The following GRAMD1C variants were observed in gnomAD, a reference collection of about 807,000 sequenced individuals.
The protein encoded by GRAMD1C is protein Aster-C.
GRAMD1C carries 89 observed loss-of-function variants against 97.8 expected under a neutral mutation model. That is an observed-to-expected ratio of 0.91 (90% CI 0.77 to 1.09). The LOEUF (loss-of-function observed/expected upper bound fraction) is 1.09, where lower values mean the gene tolerates loss of function less well. Ranked by LOEUF, GRAMD1C falls within the 50% of genes least tolerant of loss-of-function variation. GRAMD1C has a pLI of 0.00. For missense variants in GRAMD1C, 740 were observed against 766.4 expected (o/e 0.97, Z 0.41); for synonymous variants, 256 against 267.0 (o/e 0.96, Z 0.40).
intron 17 of GRAMD1C, among the ~76,000 whole-genome samples, chr3:113,942,696 C>A (rs1937862676): frequency 6.6e-6 from 1 of 152,178 alleles, no homozygotes; most frequent in Admixed American, 6.5e-5. Context: ...CTTAACAATG[C>A]CTTGGTGTCC....
At chr3:113,910,733 G>A (rs1936537329) in intron 9 of GRAMD1C, among the ~76,000 whole-genome samples, 1 of 152,128 alleles carries the variant, frequency 6.6e-6, no homozygotes, top group Non-Finnish European at 1.5e-5. Context: ...TGAAAGATAA[G>A]TGGGCTGCTG....
Position 113,847,222 on chromosome 3 carries a change from C to T in GRAMD1C, c.174+2573C>T, listed in dbSNP as rs184618585. Among the ~76,000 whole-genome samples, 44 of 152,208 alleles carry T rather than the reference C, an allele frequency of 2.9e-4. 2 individuals carry two copies. Among genetic ancestry groups the T allele is most frequent in the African/African-American group, 1.0e-3 (42 of 41,552 alleles). On this transcript the variant is annotated intron_variant, in intron 2 of 17. Transcript: ENST00000358160. ...GTTTTTATATTTTTTAATTTTTTTA[C>T]TGATATCTCTTATTCTCTTTCATCA...
intron 2 of GRAMD1C, among the ~76,000 whole-genome samples, chr3:113,852,887 G>T (rs1040830673): frequency 4.6e-5 from 7 of 152,080 alleles, no homozygotes; most frequent in Admixed American, 3.3e-4. Context: ...GGGTGGGAGT[G>T]GGGGTAGTTT....
At chr3:113,869,140 C>T (rs993527760) in intron 2 of GRAMD1C, among the ~76,000 whole-genome samples, 1 of 152,122 alleles carries the variant, frequency 6.6e-6, no homozygotes, top group African/African-American at 2.4e-5. Flanking sequence ...GTAATGGGAA[C>T]AGGCCCAGGA....
In GRAMD1C at chr3:113,869,553, A is replaced by G; in HGVS notation, c.221A>G (p.Gln74Arg). ...YKDRNEEYRR[Q>R]FTHLPDTERL... ...GACAGGAATGAGGAATACAGAAGAC[A>G]GTTCACACATCTACCTGATACAGAG... The change falls in exon 3 of 18, where the codon CAG becomes CGG. Residue 74 changes from glutamine to arginine, a missense_variant. Gln to Arg is a conservative substitution (Grantham distance 43). Coordinates refer to ENST00000358160, the MANE Select transcript of GRAMD1C (RefSeq NM_017577.5). 1.3e-6 allele frequency: 2 copies of G among 1,556,278 alleles called. No individual in the cohort carries two copies. The highest frequency in any genetic ancestry group is 1.8e-6 in the Non-Finnish European group (2 of 1,138,312).
At chr3:113,892,332 C>T (rs1378831308) in intron 6 of GRAMD1C, among the ~76,000 whole-genome samples, 5 of 151,880 alleles carry the variant, frequency 3.3e-5, no homozygotes, top group African/African-American at 4.8e-5. Flanking sequence ...ATCAGCTGCG[C>T]GTGGTGGCAG....
intron 17 of GRAMD1C, among the ~76,000 whole-genome samples, chr3:113,942,968 T>C (rs1254140342): frequency 1.3e-5 from 2 of 152,362 alleles, no homozygotes; most frequent in Middle Eastern, 3.4e-3. Flanking sequence ...GAGTCATCCA[T>C]CTGCTTTCCA....
At position 113,909,106 on chromosome 3, in the gene GRAMD1C, A is replaced by G. The variant is rs1936472339; in HGVS notation, c.938A>G (p.Asp313Gly). The G allele has an allele frequency of 6.6e-7, 1 of 1,504,072 alleles. No homozygotes were observed. Among genetic ancestry groups the G allele is most frequent in the Admixed American group, 2.4e-5 (1 of 41,334 alleles). The allele number at this position is 1,504,072 out of a possible 1,614,324, so 93.2% of individuals were successfully genotyped here. A position where few individuals can be genotyped will look rare whatever the true frequency, so the allele number is the denominator to read the frequency against. The change falls in exon 9 of 18, where the codon GAT becomes GGT. Residue 313 changes from aspartate (D) to glycine (G), a missense_variant. Physicochemically the swap from Asp to Gly is moderately conservative, Grantham distance 94. Coordinates refer to ENST00000358160, the MANE Select transcript of GRAMD1C (RefSeq NM_017577.5). ...TCTCTGGACAAAAGCAGCACTTCAG[A>G]TTCTGTTGATGAAGGTAAATAATTT... is the stretch of plus-strand genomic sequence containing the variant. ...YLSLDKSSTSDSVDEENVPEK... is the reference protein window; with the variant it reads ...YLSLDKSSTSGSVDEENVPEK...
chr3:113,917,075 G>T (rs931935256), intron 10 of GRAMD1C, among the ~76,000 whole-genome samples: 12 of 152,162 alleles, frequency 7.9e-5, no homozygotes, highest in Non-Finnish European at 1.6e-4. Context: ...GTTGGAGGTT[G>T]CAGTGAGCTG....
intron 2 of GRAMD1C, among the ~76,000 whole-genome samples, chr3:113,863,154 CATA>C (rs1432367657): frequency 6.6e-6 from 1 of 152,096 alleles, no homozygotes; most frequent in Non-Finnish European, 1.5e-5. Context: ...CAGCATTATT[CATA>C]ATAAGCAAAA....
chr3:113,836,483 G>A (rs757700178), upstream of GRAMD1C, among the ~76,000 whole-genome samples: 8 of 151,066 alleles, frequency 5.3e-5, no homozygotes, highest in Non-Finnish European at 7.4e-5. Flanking sequence ...CTTCGTGGAA[G>A]CATTTGGAAG....
At chr3:113,853,182 A>G (rs1933982573) in intron 2 of GRAMD1C, among the ~76,000 whole-genome samples, 1 of 152,228 alleles carries the variant, frequency 6.6e-6, no homozygotes. Context: ...AACTTCTAGA[A>G]ATGAAAAATA....
At chr3:113,890,061 G>A (rs1338043018) in intron 6 of GRAMD1C, among the ~76,000 whole-genome samples, 1 of 102,208 alleles carries the variant, frequency 9.8e-6, no homozygotes, top group Non-Finnish European at 2.0e-5. Context: ...CATGTTGAAT[G>A]GCCTTTTGAA....
At chr3:113,894,991 G>A (rs1296318183) in intron 6 of GRAMD1C, among the ~76,000 whole-genome samples, 2 of 152,188 alleles carry the variant, frequency 1.3e-5, no homozygotes, top group Non-Finnish European at 2.9e-5. Context: ...GAAAGTATTA[G>A]TGTATAAAAA....
At chr3:113,919,505 G>T in intron 10 of GRAMD1C, 1 of 538,550 alleles carries the variant, frequency 1.9e-6, no homozygotes, top group Non-Finnish European at 3.7e-6. Context: ...GAAAGAACTA[G>T]CCTTACCTGG....
chr3:113,919,934 C>T, intron 10 of GRAMD1C: 2 of 658,830 alleles, frequency 3.0e-6, no homozygotes, highest in Non-Finnish European at 5.8e-6. Context: ...ATGGATGGTG[C>T]ACCAGTAAAA....
Position 113,945,403 on chromosome 3 carries a change from G to A in GRAMD1C, c.1914G>A (p.Lys638=). 6.4e-7 allele frequency: 1 copy of A among 1,568,340 alleles called. No individual in the cohort carries two copies. Among genetic ancestry groups the A allele is most frequent in the Non-Finnish European group, 8.8e-7 (1 of 1,142,298 alleles). ...AAAATTAACTTTGTTTACAGCTGAA[G>A]AGCTCACTCATTATGCTTCAGAAAA... ...RDSIVMLEQL[K]SSLIMLQKTF... Residue 638 remains lysine (K), a synonymous_variant, in exon 18 of 18, where the codon AAG becomes AAA. Coordinates refer to ENST00000358160, the MANE Select transcript of GRAMD1C (RefSeq NM_017577.5).
At chr3:113,915,959 A>G in intron 10 of GRAMD1C, 121 bp downstream of exon 10, 3 of 757,938 alleles carry the variant, frequency 4.0e-6, no homozygotes, top group Non-Finnish European at 6.6e-6. Context: ...CTTTGCTTTT[A>G]TGTTGACAGT....
In GRAMD1C at chr3:113,945,403, G is replaced by T; in HGVS notation, c.1914G>T (p.Lys638Asn). The part of the protein sequence containing the change: ...RDSIVMLEQL[K>N]SSLIMLQKTF... Reference sequence around the variant, plus strand: ...AAAATTAACTTTGTTTACAGCTGAAGAGCTCACTCATTATGCTTCAGAAAA... The same window carrying T: ...AAAATTAACTTTGTTTACAGCTGAATAGCTCACTCATTATGCTTCAGAAAA... The change falls in exon 18 of 18, where the codon AAG becomes AAT. Residue 638 changes from lysine (K) to asparagine (N), a missense_variant. Lys to Asn is a moderately conservative substitution (Grantham distance 94). Coordinates refer to ENST00000358160, the MANE Select transcript of GRAMD1C (RefSeq NM_017577.5). The T allele has an allele frequency of 6.4e-7, 1 of 1,568,340 alleles. No individual in the cohort carries two copies. Among genetic ancestry groups the T allele is most frequent in the Non-Finnish European group, 8.8e-7 (1 of 1,142,298 alleles).
Sources: gnomAD v4.1 joint callset for allele counts (sites outside exome capture counted in the v4.1 genomes callset) on GRCh38, gnomAD v4.1.1 for gene constraint, MANE v1.5 for transcripts, NCBI Gene and HGNC (gene_info 2026-07-23, HGNC 2026-07-21) for gene names.